The following PKIG variants were observed in gnomAD, a reference collection of about 807,000 sequenced individuals.
PKIG encodes the protein cAMP-dependent protein kinase inhibitor gamma.
Under a neutral mutation model 6.8 loss-of-function variants are expected in PKIG, and 1 was observed. The ratio of observed to expected loss-of-function variants is 0.15; its 90% CI spans 0.05 to 0.69. The LOEUF is 0.69. PKIG is among the 30% of genes least tolerant of loss of function. The probability of loss-of-function intolerance (pLI) is 0.82; values close to 1 mark genes in which losing one functional copy is unlikely to be tolerated. For missense variants in PKIG, 77 were observed against 104.0 expected (o/e 0.74, Z 1.13); for synonymous variants, 39 against 43.0 (o/e 0.91, Z 0.36).
chr20:44,593,911 A>G (rs574613542), intron 2 of PKIG, among the ~76,000 whole-genome samples: 133 of 152,334 alleles, frequency 8.7e-4, no homozygotes, highest in African/African-American at 3.1e-3. Context: ...GGTCACAGGA[A>G]GCCATCAGTC....
At chr20:44,533,162 A>G (rs1216379034) in intron 1 of PKIG, among the ~76,000 whole-genome samples, 1 of 151,930 alleles carries the variant, frequency 6.6e-6, no homozygotes, top group Non-Finnish European at 1.5e-5. Context: ...ATTTGTGGTG[A>G]TTCATATATA....
chr20:44,557,656 TAA>T (rs3092366), intron 1 of PKIG, among the ~76,000 whole-genome samples: 202 of 124,558 alleles, frequency 1.6e-3, no homozygotes, highest in African/African-American at 4.0e-3. Context: ...CTGTCTCTAC[TAA>T]AAAAAAAAAA....
intron 1 of PKIG, among the ~76,000 whole-genome samples, chr20:44,574,359 G>C (rs2064878108): frequency 6.6e-6 from 1 of 151,404 alleles, no homozygotes; most frequent in Admixed American, 6.6e-5. Flanking sequence ...TTTTTTAACT[G>C]TATTACAGAA....
At chr20:44,574,946 C>G (rs886813746) in intron 1 of PKIG, among the ~76,000 whole-genome samples, 1 of 152,126 alleles carries the variant, frequency 6.6e-6, no homozygotes, top group African/African-American at 2.4e-5. Flanking sequence ...AATTAATAAT[C>G]CTTTATTATT....
At chr20:44,549,909 A>G (rs1369432017) in intron 1 of PKIG, among the ~76,000 whole-genome samples, 1 of 152,046 alleles carries the variant, frequency 6.6e-6, no homozygotes, top group Non-Finnish European at 1.5e-5. Context: ...TTTCTTTGAT[A>G]ATATTATATC....
intron 3 of PKIG, among the ~76,000 whole-genome samples, chr20:44,617,897 T>TA (rs200306947): frequency 0.074 from 10,858 of 147,678 alleles, 500 homozygotes; most frequent in African/African-American, 0.14. Context: ...ATACAAAAAT[T>TA]AAAAAAAAAA....
At chr20:44,545,657 A>G (rs1291895779) in intron 1 of PKIG, among the ~76,000 whole-genome samples, 1 of 151,548 alleles carries the variant, frequency 6.6e-6, no homozygotes, top group East Asian at 2.0e-4. Flanking sequence ...CGTCTCTACA[A>G]AAAGAAAATT....
chr20:44,615,175 T>G (rs1263232701), intron 3 of PKIG, among the ~76,000 whole-genome samples: 1 of 151,184 alleles, frequency 6.6e-6, no homozygotes. Flanking sequence ...TGAGTGAAGC[T>G]AAGCTTGTCA....
intron 1 of PKIG, among the ~76,000 whole-genome samples, chr20:44,555,531 A>G (rs1312499430): frequency 1.3e-5 from 2 of 152,236 alleles, no homozygotes; most frequent in Non-Finnish European, 2.9e-5. Flanking sequence ...TGTTGGCTTT[A>G]GATAAGTTAC....
intron 1 of PKIG, among the ~76,000 whole-genome samples, chr20:44,569,802 T>C (rs1005630624): frequency 1.3e-5 from 2 of 152,162 alleles, no homozygotes; most frequent in Non-Finnish European, 2.9e-5. Context: ...TGTCCAGAGA[T>C]ATACAATTTG....
chr20:44,618,499 C>T lies in PKIG; in HGVS notation c.*135C>T, dbSNP rs2065291758. The T allele has an allele frequency of 1.5e-6, 1 of 676,260 alleles. No individual in the cohort carries two copies. Among genetic ancestry groups the T allele is most frequent in the South Asian group, 1.7e-5 (1 of 60,502 alleles). The allele number at this position is 676,260 out of a possible 1,614,324, so 41.9% of individuals were successfully genotyped here. A position where few individuals can be genotyped will look rare whatever the true frequency, so the allele number is the denominator to read the frequency against. On this transcript the variant is annotated 3_prime_UTR_variant, in exon 4 of 4. Transcript: ENST00000372886. ...ACCAGGCCAGACTGAGAAGGCTCCC[C>T]AGAGGCCTCTGTGGCCTCCACTCCG...
chr20:44,576,201 T>TG (rs2064896732), intron 1 of PKIG, among the ~76,000 whole-genome samples: 4 of 113,330 alleles, frequency 3.5e-5, no homozygotes, highest in African/African-American at 1.5e-4. Flanking sequence ...GTGTGTGTGT[T>TG]TAGAAAATAT....
In PKIG at chr20:44,552,608, G is replaced by T. The variant is rs574653686; in HGVS notation, c.-241+20630G>T. Among the ~76,000 whole-genome samples, 216 of 152,282 alleles carry T rather than the reference G, an allele frequency of 1.4e-3. 1 individual carries two copies. Among genetic ancestry groups the T allele is most frequent in the African/African-American group, 5.1e-3 (212 of 41,550 alleles). On this transcript the variant is annotated intron_variant, in intron 1 of 4. Transcript: ENST00000372887. ...GAATCAAATCTGGTGCTGCCACTAT[G>T]CAACTGTATATAAATCTAACCCAAC... is the stretch of plus-strand genomic sequence containing the variant.
intron 3 of PKIG, among the ~76,000 whole-genome samples, chr20:44,618,004 A>G (rs908064064): frequency 5.3e-5 from 8 of 152,144 alleles, no homozygotes; most frequent in Non-Finnish European, 1.5e-5. Context: ...CAAACAAAGC[A>G]ACCTTCAAGA....
chr20:44,561,585 A>G (rs1299196060), intron 1 of PKIG, among the ~76,000 whole-genome samples: 1 of 152,214 alleles, frequency 6.6e-6, no homozygotes, highest in Non-Finnish European at 1.5e-5. Flanking sequence ...AAAACGATCC[A>G]GTGACAAGTT....
chr20:44,593,364 AACACACACACACACACACACACAC>A (rs55947972), intron 2 of PKIG, among the ~76,000 whole-genome samples: 2 of 132,468 alleles, frequency 1.5e-5, no homozygotes, highest in Admixed American at 1.5e-4. Flanking sequence ...TATAATAATC[AACACACACACACACACACACACAC>A]ACACACACAC....
intron 2 of PKIG, among the ~76,000 whole-genome samples, chr20:44,612,607 C>T (rs1490943868): frequency 2.6e-5 from 4 of 152,108 alleles, no homozygotes; most frequent in Non-Finnish European, 5.9e-5. Flanking sequence ...CTTCTTGTTG[C>T]CAAGAGTACA....
chr20:44,595,766 C>T (rs1263096329), intron 2 of PKIG, among the ~76,000 whole-genome samples: 3 of 152,088 alleles, frequency 2.0e-5, no homozygotes, highest in Non-Finnish European at 4.4e-5. Context: ...CCAGCCTTGG[C>T]CTCCCAAAGT....
intron 2 of PKIG, among the ~76,000 whole-genome samples, chr20:44,591,838 T>C (rs891140162): frequency 6.6e-6 from 1 of 152,220 alleles, no homozygotes; most frequent in African/African-American, 2.4e-5. Flanking sequence ...TCGTTTGCCA[T>C]GTAAGGATTT....
Sources: gnomAD v4.1 joint callset for allele counts (sites outside exome capture counted in the v4.1 genomes callset) on GRCh38, gnomAD v4.1.1 for gene constraint, MANE v1.5 for transcripts, NCBI Gene and HGNC (gene_info 2026-07-23, HGNC 2026-07-21) for gene names.